PLPP1: variants seen among roughly 807,000 people sequenced by gnomAD.
The protein encoded by PLPP1 is phospholipid phosphatase 1, also known as lipid phosphate phosphohydrolase 1a.
Under a neutral mutation model 31.2 loss-of-function variants are expected in PLPP1, and 24 were observed. That is an observed-to-expected ratio of 0.77 (90% CI 0.56 to 1.08). The LOEUF is 1.08. Among genes scored for constraint, PLPP1 ranks in the 50% least tolerant of loss-of-function variants. PLPP1 has a pLI of 0.00. For synonymous variants in PLPP1, 146 were observed against 126.3 expected (o/e 1.16, Z -1.05); for missense variants, 319 against 342.7 (o/e 0.93, Z 0.55).
intron 4 of PLPP1, among the ~76,000 whole-genome samples, chr5:55,435,032 GAACTC>G (rs760306733): frequency 4.6e-5 from 7 of 152,268 alleles, no homozygotes; most frequent in South Asian, 2.1e-4. Flanking sequence ...GACATATAAG[GAACTC>G]AACTCAACGG....
At chr5:55,502,605 G>A (rs1344208164) in intron 1 of PLPP1, among the ~76,000 whole-genome samples, 1 of 151,982 alleles carries the variant, frequency 6.6e-6, no homozygotes, top group Admixed American at 6.5e-5. Flanking sequence ...ACTTTCAATT[G>A]TATTAAATTT....
chr5:55,434,099 A>T (rs1027353767), intron 4 of PLPP1, among the ~76,000 whole-genome samples: 1 of 150,684 alleles, frequency 6.6e-6, no homozygotes, highest in African/African-American at 2.4e-5. Flanking sequence ...ACTGCACTCC[A>T]GCCTGGGCGA....
At chr5:55,430,133 G>A (rs770980649) in intron 4 of PLPP1, among the ~76,000 whole-genome samples, 3 of 152,012 alleles carry the variant, frequency 2.0e-5, no homozygotes, top group Non-Finnish European at 1.5e-5. Flanking sequence ...AGCCCATCAC[G>A]GTCACCACCA....
intron 3 of PLPP1, among the ~76,000 whole-genome samples, chr5:55,463,259 G>A (rs187428930): frequency 5.9e-5 from 9 of 152,084 alleles, no homozygotes; most frequent in East Asian, 3.9e-4. Context: ...ACTAGATGAC[G>A]GGTTGATAGG....
chr5:55,446,012 T>C (rs950550288), intron 3 of PLPP1, among the ~76,000 whole-genome samples: 2 of 152,202 alleles, frequency 1.3e-5, no homozygotes, highest in East Asian at 1.9e-4. Context: ...GTCTTTTCTC[T>C]GTAACTGCTT....
At chr5:55,436,749 A>G (rs986230868) in intron 4 of PLPP1, among the ~76,000 whole-genome samples, 10 of 152,226 alleles carry the variant, frequency 6.6e-5, no homozygotes, top group African/African-American at 2.4e-4. Context: ...TTAAAAATTA[A>G]TATTAAAAGA....
chr5:55,444,341 A>G (rs953480304), intron 3 of PLPP1, among the ~76,000 whole-genome samples: 2 of 152,158 alleles, frequency 1.3e-5, no homozygotes, highest in African/African-American at 4.8e-5. Context: ...TCGGCCTCCC[A>G]AAGTGCTAGG....
At chr5:55,495,222 C>T (rs531942884) in intron 1 of PLPP1, among the ~76,000 whole-genome samples, 1 of 151,640 alleles carries the variant, frequency 6.6e-6, no homozygotes, top group East Asian at 1.9e-4. Context: ...AAGTTGTTGG[C>T]ATTAGAATTT....
intron 1 of PLPP1, 148 bp downstream of exon 1, chr5:55,534,424 G>A (rs1740803513): frequency 4.9e-6 from 4 of 818,554 alleles, no homozygotes; most frequent in African/African-American, 3.7e-5. Flanking sequence ...GCAAAGCGGG[G>A]TCCCTCGGCT....
chr5:55,459,714 T>C (rs540020990), intron 3 of PLPP1, among the ~76,000 whole-genome samples: 2 of 152,354 alleles, frequency 1.3e-5, no homozygotes, highest in African/African-American at 2.4e-5. Context: ...AAAGTATTGT[T>C]AGCCCTTGAA....
chr5:55,486,217 C>T (rs1008940791), intron 1 of PLPP1, among the ~76,000 whole-genome samples: 16 of 152,192 alleles, frequency 1.1e-4, no homozygotes, highest in Admixed American at 2.0e-4. Flanking sequence ...AATTTTCTTC[C>T]ACTGACAGCT....
chr5:55,482,954 A>G (rs1433832449), intron 1 of PLPP1, among the ~76,000 whole-genome samples: 1 of 152,172 alleles, frequency 6.6e-6, no homozygotes, highest in Non-Finnish European at 1.5e-5. Flanking sequence ...TACCAAAAAC[A>G]AAGAACTTCA....
At chr5:55,496,278 A>G (rs1327293028) in intron 1 of PLPP1, among the ~76,000 whole-genome samples, 1 of 152,200 alleles carries the variant, frequency 6.6e-6, no homozygotes, top group Non-Finnish European at 1.5e-5. Flanking sequence ...TTTTTCCTTA[A>G]TACCTAAAGA....
At chr5:55,448,474 G>A (rs1312617714) in intron 3 of PLPP1, among the ~76,000 whole-genome samples, 1 of 134,290 alleles carries the variant, frequency 7.4e-6, no homozygotes, top group East Asian at 2.1e-4. Flanking sequence ...TTTTGACAGA[G>A]TCTTGCTCTG....
chr5:55,510,926 C>T (rs1415118426), intron 1 of PLPP1, among the ~76,000 whole-genome samples: 2 of 152,176 alleles, frequency 1.3e-5, no homozygotes, highest in Admixed American at 6.5e-5. Context: ...TAGTGCCTGG[C>T]ACATTAAGAG....
In PLPP1 at chr5:55,534,568, G is replaced by A. The variant is rs1740815480; in HGVS notation, c.58+4C>T. ...GCCCCTCGGACCCGGCGGCGCGTAC[G>A]TACCCAGCAACACGCAGAGCACATC... On this transcript the variant is annotated splice_donor_region_variant and intron_variant, in intron 1 of 5. Transcript: ENST00000307259. 1 of 1,542,386 alleles carries A rather than the reference G, an allele frequency of 6.5e-7. No individual in the cohort carries two copies.
rs576937247 is a variant in PLPP1, at chr5:55,534,510, C to G, written c.58+62G>C. ...CACACCCCCGCTGCCCGTCGCGGCTCTGCGCTAAAGCCCTCCCGGGACAGC... is the reference window on the plus strand; with the variant it reads ...CACACCCCCGCTGCCCGTCGCGGCTGTGCGCTAAAGCCCTCCCGGGACAGC... On this transcript the variant is annotated intron_variant, in intron 1 of 5. Coordinates refer to ENST00000307259, the MANE Select transcript of PLPP1 (RefSeq NM_003711.4). 4.1e-6 allele frequency: 6 copies of G among 1,468,630 alleles called. No homozygotes were observed. The Admixed American group carries it at 6.9e-5, about 17-fold the overall frequency. 91.0% of individuals were successfully genotyped at this position (1,468,630 alleles called of 1,614,324 possible).
chr5:55,483,383 A>G (rs898615344), intron 1 of PLPP1, among the ~76,000 whole-genome samples: 1 of 152,146 alleles, frequency 6.6e-6, no homozygotes, highest in Admixed American at 6.6e-5. Flanking sequence ...AAAGTACATT[A>G]TTCGAGGCTA....
intron 4 of PLPP1, among the ~76,000 whole-genome samples, chr5:55,441,074 A>T (rs1398097029): frequency 6.6e-6 from 1 of 152,230 alleles, no homozygotes; most frequent in Non-Finnish European, 1.5e-5. Context: ...CTTTATATGT[A>T]AAGAGAACAT....
Sources: allele counts gnomAD v4.1 joint callset (sites outside exome capture counted in the v4.1 genomes callset), GRCh38; gene constraint gnomAD v4.1.1; transcripts MANE v1.5; gene names NCBI Gene and HGNC (gene_info 2026-07-23, HGNC 2026-07-21).